Variants in SEMA5A observed in about 807,000 individuals in gnomAD.
SEMA5A encodes the protein semaphorin 5A, also known as semaphorin-5A.
Under a neutral mutation model 135.5 loss-of-function variants are expected in SEMA5A, and 55 were observed. The observed-to-expected ratio is 0.41, with a 90% CI of 0.33 to 0.51. The LOEUF (loss-of-function observed/expected upper bound fraction) is 0.51. Among genes scored for constraint, SEMA5A ranks in the 20% least tolerant of loss-of-function variants. SEMA5A has a pLI of 0.37. For synonymous variants in SEMA5A, 580 were observed against 546.5 expected (o/e 1.06, Z -0.85); for missense variants, 1,290 against 1,419.9 (o/e 0.91, Z 1.47).
chr5:9,487,241 G>A (rs1228233264), intron 1 of SEMA5A, among the ~76,000 whole-genome samples: 1 of 152,126 alleles, frequency 6.6e-6, no homozygotes, highest in Non-Finnish European at 1.5e-5. Context: ...CATTAATTAT[G>A]GTCTTACGTG....
intron 12 of SEMA5A, among the ~76,000 whole-genome samples, chr5:9,143,434 G>GT (rs1276749135): frequency 4.2e-4 from 64 of 152,060 alleles, no homozygotes; most frequent in Admixed American, 1.6e-3. Flanking sequence ...TACAATGGCT[G>GT]TTTTTTACAT....
At position 9,108,250 on chromosome 5, in the gene SEMA5A, A is replaced by C; in HGVS notation, c.1963T>G (p.Phe655Val). 1 of 1,614,202 alleles carries C rather than the reference A, an allele frequency of 6.2e-7. No homozygotes were observed. The highest frequency in any genetic ancestry group is 8.5e-7 in the Non-Finnish European group (1 of 1,180,042). ...NEHLLCPPHM[F>V]WTGWGPWERC... is the part of the protein sequence containing the mutation. ...TCCCAAGGACCCCAGCCTGTCCAGAACATGTGTGGGGGACATAGCAAATGT... is the reference window on the plus strand; with the variant it reads ...TCCCAAGGACCCCAGCCTGTCCAGACCATGTGTGGGGGACATAGCAAATGT... The change falls in exon 16 of 23, where the codon TTC (phenylalanine) becomes GTC (valine). Residue 655 changes from phenylalanine to valine, a missense_variant. Around this residue, in one of 3 missense-constraint regions of SEMA5A, gnomAD observed 1,029 missense variants for 1,086.6 expected, o/e 0.95. Transcript: ENST00000382496.
intron 1 of SEMA5A, among the ~76,000 whole-genome samples, chr5:9,466,041 G>A (rs965415755): frequency 3.9e-5 from 6 of 152,138 alleles, no homozygotes; most frequent in Non-Finnish European, 8.8e-5. Flanking sequence ...TGACCAAGAA[G>A]GCCTTAACAT....
intron 1 of SEMA5A, among the ~76,000 whole-genome samples, chr5:9,475,151 C>T (rs995611577): frequency 3.3e-5 from 5 of 152,168 alleles, no homozygotes; most frequent in African/African-American, 9.6e-5. Flanking sequence ...AGGCTGGTCT[C>T]GAACTCCTGA....
At chr5:9,284,905 C>G (rs1196297502) in intron 5 of SEMA5A, among the ~76,000 whole-genome samples, 1 of 152,150 alleles carries the variant, frequency 6.6e-6, no homozygotes, top group East Asian at 1.9e-4. Context: ...AGCCAGAACC[C>G]TGCCCAAGAA....
intron 12 of SEMA5A, among the ~76,000 whole-genome samples, chr5:9,141,521 G>T (rs1742064902): frequency 6.6e-6 from 1 of 152,070 alleles, no homozygotes; most frequent in Admixed American, 6.6e-5. Flanking sequence ...GAAAGTATCT[G>T]AATTTAGATA....
At chr5:9,452,329 T>C (rs1758675162) in intron 1 of SEMA5A, among the ~76,000 whole-genome samples, 1 of 152,188 alleles carries the variant, frequency 6.6e-6, no homozygotes, top group Non-Finnish European at 1.5e-5. Flanking sequence ...TGTGAAGCAG[T>C]GGTTTGCTTC....
At chr5:9,428,497 G>A (rs751422424) in intron 2 of SEMA5A, among the ~76,000 whole-genome samples, 13 of 152,192 alleles carry the variant, frequency 8.5e-5, no homozygotes, top group South Asian at 2.1e-4. Context: ...CATTGGTTTC[G>A]GTCTTGGTGC....
At chr5:9,544,463 T>A (rs2126407264) in intron 1 of SEMA5A, among the ~76,000 whole-genome samples, 1 of 152,218 alleles carries the variant, frequency 6.6e-6, no homozygotes, top group South Asian at 2.1e-4. Flanking sequence ...TCCTGTCCCC[T>A]CTCCTAGCAA....
At chr5:9,161,097 T>A (rs1042362893) in intron 11 of SEMA5A, among the ~76,000 whole-genome samples, 1 of 151,200 alleles carries the variant, frequency 6.6e-6, no homozygotes, top group Non-Finnish European at 1.5e-5. Context: ...GTGGGAAGAA[T>A]AACTGGAAAG....
In SEMA5A at chr5:9,337,806, C is replaced by A; in HGVS notation, c.131G>T (p.Gly44Val). The A allele has an allele frequency of 1.9e-6, 3 of 1,593,772 alleles. No homozygotes were observed. Among genetic ancestry groups the A allele is most frequent in the Non-Finnish European group, 1.7e-6 (2 of 1,167,834 alleles). ...EHPVISYKEIGPWLREFRAKN... is the reference protein window; with the variant it reads ...EHPVISYKEIVPWLREFRAKN... ...CGCTCTGAACTCCCGTAACCAGGGG[C>A]CAATTTCTAAATAGAAAAAATAAAT... is the stretch of plus-strand genomic sequence containing the variant. The change falls in exon 4 of 23, where the codon GGC becomes GTC. Residue 44 changes from glycine to valine, a missense_variant. Coordinates refer to ENST00000382496, the MANE Select transcript of SEMA5A (RefSeq NM_003966.3).
chr5:9,304,661 G>C (rs1000920265), intron 5 of SEMA5A, among the ~76,000 whole-genome samples: 3 of 151,990 alleles, frequency 2.0e-5, no homozygotes, highest in Non-Finnish European at 4.4e-5. Flanking sequence ...GATATTTTCA[G>C]TTAGAAATAT....
At chr5:9,216,321 CTA>C (rs1311678148) in intron 8 of SEMA5A, among the ~76,000 whole-genome samples, 5 of 152,180 alleles carry the variant, frequency 3.3e-5, no homozygotes, top group Non-Finnish European at 7.3e-5. Flanking sequence ...GTCTTGACTT[CTA>C]TGTCTATTGC....
intron 1 of SEMA5A, chr5:9,520,071 GC>G (rs1304867653): frequency 6.6e-6 from 1 of 152,266 alleles, no homozygotes; most frequent in African/African-American, 2.4e-5. Context: ...ATAGTTTCCA[GC>G]CATGGCACCT....
At chr5:9,318,522 A>G in intron 4 of SEMA5A, 105 bp from the exon 5 acceptor site, 1 of 917,130 alleles carries the variant, frequency 1.1e-6, no homozygotes, top group Non-Finnish European at 1.7e-6. Context: ...TGACTTCAAA[A>G]GCATCTTCTT....
chr5:9,168,788 T>C (rs1348532252), intron 11 of SEMA5A, among the ~76,000 whole-genome samples: 1 of 152,188 alleles, frequency 6.6e-6, no homozygotes, highest in Non-Finnish European at 1.5e-5. Flanking sequence ...GTGGAGGGAA[T>C]ATTTGACTCA....
At chr5:9,323,284 A>G (rs906103475) in intron 4 of SEMA5A, among the ~76,000 whole-genome samples, 8 of 152,224 alleles carry the variant, frequency 5.3e-5, no homozygotes, top group Non-Finnish European at 2.9e-5. Flanking sequence ...CCATTCAACA[A>G]AAGTATTTTT....
chr5:9,051,308 A>C (rs1736563308), intron 20 of SEMA5A, among the ~76,000 whole-genome samples: 1 of 152,208 alleles, frequency 6.6e-6, no homozygotes. Flanking sequence ...ATGCGCAATG[A>C]TCTATGCATT....
At chr5:9,220,809 G>A (rs912640590) in intron 8 of SEMA5A, among the ~76,000 whole-genome samples, 7 of 152,150 alleles carry the variant, frequency 4.6e-5, no homozygotes, top group Non-Finnish European at 1.0e-4. Context: ...TTAAGGTAAT[G>A]GCTGGAAATC....
Sources: gnomAD v4.1 joint callset for allele counts (sites outside exome capture counted in the v4.1 genomes callset) on GRCh38, gnomAD v4.1.1 for gene constraint, gnomAD v4.1.1 regional missense constraint, MANE v1.5 for transcripts, NCBI Gene and HGNC (gene_info 2026-07-23, HGNC 2026-07-21) for gene names.